SAMSN1: variants seen among roughly 807,000 people sequenced by gnomAD.
The protein encoded by SAMSN1 is SAM domain-containing protein SAMSN-1.
A neutral mutation model predicts 42.0 loss-of-function variants in SAMSN1; 31 were observed. That is an observed-to-expected ratio of 0.74 (90% confidence interval 0.55 to 1.00). The LOEUF (loss-of-function observed/expected upper bound fraction) is 1.00. SAMSN1 is among the 50% of genes least tolerant of loss of function. The probability of loss-of-function intolerance (pLI) is 0.00; values close to 1 mark genes in which losing one functional copy is unlikely to be tolerated. For synonymous variants in SAMSN1, 178 were observed against 151.9 expected (o/e 1.17, Z -1.26); for missense variants, 464 against 439.4 (o/e 1.06, Z -0.50).
At chr21:14,583,935 T>G (rs997694177), upstream of SAMSN1, among the ~76,000 whole-genome samples, 1 of 152,044 alleles carries the variant, frequency 6.6e-6, no homozygotes, top group Non-Finnish European at 1.5e-5. Flanking sequence ...ACCATACTTT[T>G]TGGGTTCAAA....
chr21:14,581,757 G>C (rs1364288342), intron 2 of SAMSN1, among the ~76,000 whole-genome samples: 4 of 152,034 alleles, frequency 2.6e-5, no homozygotes, highest in African/African-American at 9.7e-5. Context: ...AAAATGCTTA[G>C]GAAAATGGCA....
chr21:14,621,119 A>C (rs1244459066), intron 2 of SAMSN1, among the ~76,000 whole-genome samples: 5 of 152,230 alleles, frequency 3.3e-5, no homozygotes, highest in Admixed American at 3.3e-4. Flanking sequence ...TATTTTTAAA[A>C]TTCCAGTAGA....
chr21:14,578,017 G>C (rs1372842729), intron 2 of SAMSN1, among the ~76,000 whole-genome samples: 1 of 152,070 alleles, frequency 6.6e-6, no homozygotes, highest in Non-Finnish European at 1.5e-5. Context: ...GTCTGATTCC[G>C]TTTGTTTATA....
chr21:14,588,199 A>G (rs7282408), upstream of SAMSN1, among the ~76,000 whole-genome samples: 30,284 of 113,708 alleles, frequency 0.27, 3,328 homozygotes, highest in African/African-American at 0.45. Flanking sequence ...TAATGCCGCA[A>G]TAAACATACG....
At chr21:14,641,808 C>A (rs1983604515) in intron 2 of SAMSN1, among the ~76,000 whole-genome samples, 2 of 152,084 alleles carry the variant, frequency 1.3e-5, no homozygotes, top group Non-Finnish European at 2.9e-5. Flanking sequence ...ATAGTTGACC[C>A]TTTAACAACA....
At chr21:14,566,465 A>C (rs1452453633) in intron 2 of SAMSN1, among the ~76,000 whole-genome samples, 1 of 152,170 alleles carries the variant, frequency 6.6e-6, no homozygotes, top group Non-Finnish European at 1.5e-5. Flanking sequence ...CTTAAAAATT[A>C]CTGCATTTTA....
rs187798373 is a variant in SAMSN1, at chr21:14,566,790, G to A, written c.261+15346C>T. Among the ~76,000 whole-genome samples the A allele has an allele frequency of 4.7e-3, 721 of 151,950 alleles. 10 individuals are homozygous for A. The highest frequency in any genetic ancestry group is 0.016 in the African/African-American group (682 of 41,448). On this transcript the variant is annotated intron_variant, in intron 2 of 8. Coordinates refer to the SAMSN1 transcript ENST00000285670. ...TGATCTCAAGTGATCTGCCCACCTC[G>A]GCCTCCCAAAGTGCTGGGATTACAG... is the stretch of plus-strand genomic sequence containing the variant.
At chr21:14,501,854 T>C (rs1345595717) in intron 5 of SAMSN1, among the ~76,000 whole-genome samples, 1 of 152,216 alleles carries the variant, frequency 6.6e-6, no homozygotes, top group East Asian at 1.9e-4. Context: ...GACAAACCAA[T>C]TGGTCTTTTT....
chr21:14,646,084 G>T lies in SAMSN1; in HGVS notation c.25-2951C>A, dbSNP rs1389705436. Reference sequence around the variant, plus strand: ...TAAAGAGGACGTAGATAAAGAGATAGGGATAGAAAGTTTATTCAAAAGGAT... The same window carrying T: ...TAAAGAGGACGTAGATAAAGAGATATGGATAGAAAGTTTATTCAAAAGGAT... On this transcript the variant is annotated intron_variant, in intron 1 of 15. Transcript: ENST00000647101. Among the ~76,000 whole-genome samples the T allele has an allele frequency of 2.6e-5, 4 of 152,236 alleles. No homozygotes were observed. In the East Asian group the frequency reaches 7.7e-4, roughly 29 times the overall value.
chr21:14,574,533 G>A (rs1981399556), intron 2 of SAMSN1, among the ~76,000 whole-genome samples: 1 of 152,044 alleles, frequency 6.6e-6, no homozygotes, highest in Non-Finnish European at 1.5e-5. Context: ...TAGATCACAG[G>A]ACTATTGTTT....
chr21:14,621,958 C>T (rs1451017963), intron 2 of SAMSN1, among the ~76,000 whole-genome samples: 1 of 152,234 alleles, frequency 6.6e-6, no homozygotes, highest in African/African-American at 2.4e-5. Context: ...GCAACATTTG[C>T]TGTTCAGCAA....
At chr21:14,584,968 G>A (rs1169252743), upstream of SAMSN1, among the ~76,000 whole-genome samples, 3 of 152,114 alleles carry the variant, frequency 2.0e-5, no homozygotes, top group African/African-American at 7.2e-5. Context: ...GTATAAACTT[G>A]TTGATCTGTC....
chr21:14,658,720 C>A (rs1219958257), intron 1 of SAMSN1: 1 of 714,888 alleles, frequency 1.4e-6, no homozygotes, highest in Non-Finnish European at 2.6e-6. Flanking sequence ...AAAATGAGAA[C>A]ATAAATGCTG....
chr21:14,560,249 G>A (rs1237699842), intron 2 of SAMSN1, among the ~76,000 whole-genome samples: 1 of 152,108 alleles, frequency 6.6e-6, no homozygotes, highest in Admixed American at 6.6e-5. Context: ...GAAAAATGGG[G>A]GGCATATTCT....
intron 2 of SAMSN1, among the ~76,000 whole-genome samples, chr21:14,633,229 T>G (rs1220156132): frequency 6.6e-6 from 1 of 151,842 alleles, no homozygotes; most frequent in Non-Finnish European, 1.5e-5. Context: ...ACAGACACCA[T>G]GCACACCCTA....
chr21:14,651,886 T>C (rs1255007063), intron 1 of SAMSN1, among the ~76,000 whole-genome samples: 1 of 151,784 alleles, frequency 6.6e-6, no homozygotes, highest in Admixed American at 6.6e-5. Context: ...CAGGCAACAA[T>C]ATAAAAAAGA....
intron 2 of SAMSN1, among the ~76,000 whole-genome samples, chr21:14,568,725 C>A (rs966660696): frequency 2.0e-4 from 30 of 152,100 alleles, no homozygotes; most frequent in African/African-American, 6.8e-4. Context: ...TAATTAAGAG[C>A]CAAGTCTACA....
intron 2 of SAMSN1, among the ~76,000 whole-genome samples, chr21:14,627,845 A>T (rs1983224774): frequency 6.6e-6 from 1 of 152,236 alleles, no homozygotes; most frequent in Admixed American, 6.5e-5. Flanking sequence ...CTTAAGGCTA[A>T]AGGAAGCATT....
intron 2 of SAMSN1, among the ~76,000 whole-genome samples, chr21:14,636,545 C>T (rs1983471353): frequency 6.6e-6 from 1 of 152,108 alleles, no homozygotes; most frequent in Non-Finnish European, 1.5e-5. Flanking sequence ...ATAATTTTAT[C>T]TCTAAGGATA....
Sources: allele counts gnomAD v4.1 joint callset (sites outside exome capture counted in the v4.1 genomes callset), GRCh38; gene constraint gnomAD v4.1.1; transcripts MANE v1.5; gene names NCBI Gene and HGNC (gene_info 2026-07-23, HGNC 2026-07-21).